Variants in NLRP9 observed in about 807,000 individuals in gnomAD.
NLRP9 encodes NACHT, LRR and PYD domains-containing protein 9.
A neutral mutation model predicts 83.1 loss-of-function variants in NLRP9; 88 were observed. The ratio of observed to expected loss-of-function variants is 1.06; its 90% CI spans 0.89 to 1.26. The LOEUF is 1.26. Among genes scored for constraint, NLRP9 ranks in the 50% most tolerant of loss-of-function variants. NLRP9 has a pLI of 0.00. For synonymous variants in NLRP9, 521 were observed against 447.6 expected, an observed-to-expected ratio of 1.16 and a Z score of -2.07; for missense variants, 1,308 against 1,179.3, an observed-to-expected ratio of 1.11 and a Z score of -1.60.
At chr19:55,715,366 T>A in intron 5 of NLRP9, 141 bp from the exon 6 acceptor site, 1 of 712,806 alleles carries the variant, frequency 1.4e-6, no homozygotes, top group South Asian at 2.0e-5. Context: ...CCTTTCCAGA[T>A]GTTCCTTGAA....
intron 4 of NLRP9, among the ~76,000 whole-genome samples, chr19:55,723,023 C>G (rs1238109038): frequency 6.6e-6 from 1 of 152,030 alleles, no homozygotes; most frequent in Non-Finnish European, 1.5e-5. Context: ...GGAGGGAAAG[C>G]ATTAGGAGAT....
rs10711721 is a variant in NLRP9 at position 55,723,727 on chromosome 19, C to CAA, written c.2159+251_2159+252dup. 3.2e-3 allele frequency among the ~76,000 whole-genome samples: 253 copies of CAA among 79,602 alleles called. 2 individuals are homozygous for CAA. The highest frequency in any genetic ancestry group is 7.9e-3 in the African/African-American group (181 of 23,024). 52.2% of individuals were successfully genotyped at this position (79,602 alleles called of 152,430 possible). On this transcript the variant is annotated intron_variant, in intron 4 of 8. Coordinates refer to ENST00000332836, the MANE Select transcript of NLRP9 (RefSeq NM_176820.4). ...TGGGCAACAGAGTGAGACCCTGTCT[C>CAA]AAAAAAAAAAAAAAAAAAAAAAGAA... is the stretch of plus-strand genomic sequence containing the variant.
chr19:55,709,019 C>T lies in NLRP9; in HGVS notation c.2869G>A (p.Glu957Lys). 1 of 1,577,818 alleles carries T rather than the reference C, an allele frequency of 6.3e-7. No homozygotes were observed. The highest frequency in any genetic ancestry group is 8.6e-7 in the Non-Finnish European group (1 of 1,168,170). Reference protein sequence around the residue: ...LGLHKSGFDEETQKILMSVEE... With the variant: ...LGLHKSGFDEKTQKILMSVEE... ...ACAGACATCAGGATCTTCTGAGTTTCTTCATCAAAGCCAGATTTGTGCAGC... is the reference window on the plus strand; with the variant it reads ...ACAGACATCAGGATCTTCTGAGTTTTTTCATCAAAGCCAGATTTGTGCAGC... Residue 957 changes from glutamate (E) to lysine (K), a missense_variant, in exon 9 of 9, where the codon GAA (glutamate) becomes AAA (lysine). By Grantham distance (56) the Glu-to-Lys change is moderately conservative. Transcript: ENST00000332836.
intron 4 of NLRP9, among the ~76,000 whole-genome samples, chr19:55,718,332 G>A (rs752237898): frequency 6.6e-6 from 1 of 152,196 alleles, no homozygotes; most frequent in Non-Finnish European, 1.5e-5. Context: ...GTGCTGAGGA[G>A]GAGGAGTGAA....
At chr19:55,709,982 C>T (rs1167515275) in intron 8 of NLRP9, 1 of 152,080 alleles carries the variant, frequency 6.6e-6, no homozygotes, top group Non-Finnish European at 1.5e-5. Flanking sequence ...TTTTTATCTC[C>T]AATTATAAAA....
At chr19:55,722,356 G>A (rs1253920797) in intron 4 of NLRP9, among the ~76,000 whole-genome samples, 1 of 152,104 alleles carries the variant, frequency 6.6e-6, no homozygotes, top group Non-Finnish European at 1.5e-5. Context: ...GAGAAAGTTA[G>A]AGTAGAAGTT....
At chr19:55,712,396 C>T (rs535114489) in intron 7 of NLRP9, 24 bp downstream of exon 7, 40 of 1,586,918 alleles carry the variant, frequency 2.5e-5, no homozygotes, top group African/African-American at 2.2e-4. Flanking sequence ...AATTTTCCTA[C>T]GATGGTGATC....
intron 5 of NLRP9, 83 bp downstream of exon 5, chr19:55,716,645 G>A (rs926916528): frequency 1.1e-4 from 129 of 1,147,046 alleles, no homozygotes; most frequent in Non-Finnish European, 2.2e-5. Flanking sequence ...ACCCCTCAGT[G>A]AGCACCGCGT....
rs1216327930 is a variant in NLRP9 at position 55,734,637 on chromosome 19, A to ATATT, written c.281-1088_281-1087insAATA. On this transcript the variant is annotated intron_variant, in intron 1 of 8. Coordinates refer to ENST00000332836, the MANE Select transcript of NLRP9 (RefSeq NM_176820.4). ...CACACACACATATATATATATATAT[A>ATATT]TTTTTTTTTTTTTTGAGATGAACTC... Among the ~76,000 whole-genome samples, 3 of 106,994 alleles carry ATATT rather than the reference A, an allele frequency of 2.8e-5. No homozygotes were observed. In the East Asian group the frequency reaches 8.2e-4, roughly 29 times the overall value. The allele number at this position is 106,994 out of a possible 152,430, so 70.2% of individuals were successfully genotyped here. A position where few individuals can be genotyped will look rare whatever the true frequency, so the allele number is the denominator to read the frequency against.
chr19:55,722,534 C>A (rs761224518), intron 4 of NLRP9, among the ~76,000 whole-genome samples: 1 of 152,240 alleles, frequency 6.6e-6, no homozygotes, highest in East Asian at 1.9e-4. Flanking sequence ...ACATTTTTGA[C>A]GGTTACTGCA....
intron 4 of NLRP9, among the ~76,000 whole-genome samples, chr19:55,722,020 G>A (rs1988242153): frequency 6.6e-6 from 1 of 152,156 alleles, no homozygotes; most frequent in Non-Finnish European, 1.5e-5. Context: ...CTATCCACCA[G>A]ATGCCAGCAG....
intron 5 of NLRP9, 93 bp from the exon 6 acceptor site, chr19:55,715,318 A>C: frequency 9.4e-7 from 1 of 1,064,188 alleles, no homozygotes; most frequent in Non-Finnish European, 1.4e-6. Context: ...GAAGCTTCCT[A>C]TGGTAATATT....
At chr19:55,723,015 A>AG (rs2122308225) in intron 4 of NLRP9, among the ~76,000 whole-genome samples, 1 of 152,108 alleles carries the variant, frequency 6.6e-6, no homozygotes, top group African/African-American at 2.4e-5. Context: ...GAGCTGGGGG[A>AG]GGGAAAGCAT....
Position 55,733,095 on chromosome 19 carries a change from C to A in NLRP9, c.736G>T (p.Asp246Tyr). 6.2e-7 allele frequency: 1 copy of A among 1,614,020 alleles called. No individual in the cohort carries two copies. The highest frequency in any genetic ancestry group is 8.5e-7 in the Non-Finnish European group (1 of 1,179,954). ...GGCATTGGCTGCCGCTGCCTCCAAT[C>A]ATCGCTCAAGTCAGCCTTAAGTTGT... Reference protein sequence around the residue: ...NLQLKADLSDDWRQRQPMPII... With the variant: ...NLQLKADLSDYWRQRQPMPII... Residue 246 changes from aspartate to tyrosine, a missense_variant, in exon 2 of 9, where the codon GAT (aspartate) becomes TAT (tyrosine). By Grantham distance (160) the Asp-to-Tyr change is radical. Coordinates refer to ENST00000332836, the MANE Select transcript of NLRP9 (RefSeq NM_176820.4).
chr19:55,721,196 G>A (rs1444298758), intron 4 of NLRP9, among the ~76,000 whole-genome samples: 1 of 152,224 alleles, frequency 6.6e-6, no homozygotes, highest in African/African-American at 2.4e-5. Flanking sequence ...CTATTGTTAT[G>A]TAAGATGTTA....
intron 4 of NLRP9, among the ~76,000 whole-genome samples, chr19:55,720,517 C>T (rs766553456): frequency 9.9e-5 from 15 of 151,952 alleles, no homozygotes; most frequent in South Asian, 2.1e-4. Context: ...TTTTTAGAGA[C>T]GGGAGTCTCA....
chr19:55,719,658 G>A (rs766245583), intron 4 of NLRP9, among the ~76,000 whole-genome samples: 7 of 152,098 alleles, frequency 4.6e-5, no homozygotes, highest in African/African-American at 7.2e-5. Context: ...CAAGCCTCTC[G>A]ATTGAAACTA....
At chr19:55,728,951 T>C (rs568473978) in intron 3 of NLRP9, among the ~76,000 whole-genome samples, 4 of 150,668 alleles carry the variant, frequency 2.7e-5, no homozygotes, top group Non-Finnish European at 5.9e-5. Flanking sequence ...AAAGTAATAA[T>C]AAAAACTTTA....
In NLRP9 at chr19:55,717,037, T is replaced by C. The variant is rs541394055; in HGVS notation, c.2160-139A>G. On this transcript the variant is annotated intron_variant, in intron 4 of 8. Coordinates refer to ENST00000332836, the MANE Select transcript of NLRP9 (RefSeq NM_176820.4). ...TCTACACTACAGACTCTTTTTCTTT[T>C]TTTTTTTTTTTTTTGAGAAGGAATC... 8.0e-4 allele frequency: 425 copies of C among 531,558 alleles called. 3 individuals are homozygous for C. The highest frequency in any genetic ancestry group is 2.9e-3 in the East Asian group (87 of 30,194). The allele number at this position is 531,558 out of a possible 1,614,324, so 32.9% of individuals were successfully genotyped here.
Sources: gnomAD v4.1 joint callset for allele counts (sites outside exome capture counted in the v4.1 genomes callset) on GRCh38, gnomAD v4.1.1 for gene constraint, MANE v1.5 for transcripts, NCBI Gene and HGNC (gene_info 2026-07-23, HGNC 2026-07-21) for gene names.